Variants in PLPPR1 observed in about 807,000 individuals in gnomAD.
PLPPR1 encodes the protein phospholipid phosphatase related 1, also known as phospholipid phosphatase-related protein type 1.
Under a neutral mutation model 33.1 loss-of-function variants are expected in PLPPR1, and 10 were observed. The ratio of observed to expected loss-of-function variants is 0.30; its 90% CI spans 0.19 to 0.51. The LOEUF is 0.51. PLPPR1 is among the 20% of genes least tolerant of loss of function. PLPPR1 has a pLI of 0.97. For missense variants in PLPPR1, 304 were observed against 408.1 expected (o/e 0.74, Z 2.20); for synonymous variants, 151 against 151.0 (o/e 1.00, Z 0.00).
chr9:101,302,738 T>A (rs1828776943), intron 4 of PLPPR1, among the ~76,000 whole-genome samples: 1 of 152,132 alleles, frequency 6.6e-6, no homozygotes, highest in Non-Finnish European at 1.5e-5. Flanking sequence ...AAGATTTTTT[T>A]ATCATTTTTT....
intron 1 of PLPPR1, among the ~76,000 whole-genome samples, chr9:101,167,904 C>T (rs1249001693): frequency 6.6e-6 from 1 of 152,136 alleles, no homozygotes; most frequent in African/African-American, 2.4e-5. Context: ...CTCACAGTTC[C>T]ACATGGCTGG....
At chr9:101,297,505 G>T (rs893413142) in intron 4 of PLPPR1, among the ~76,000 whole-genome samples, 3 of 152,222 alleles carry the variant, frequency 2.0e-5, no homozygotes, top group African/African-American at 7.2e-5. Context: ...TGACTTTGAC[G>T]GAGAGTATTA....
At chr9:101,146,185 T>C (rs1421866090) in intron 1 of PLPPR1, among the ~76,000 whole-genome samples, 3 of 152,208 alleles carry the variant, frequency 2.0e-5, no homozygotes, top group Non-Finnish European at 4.4e-5. Context: ...TGAGGAACTA[T>C]AGTTTGTTTG....
chr9:101,189,951 C>T (rs1826266949), intron 2 of PLPPR1, among the ~76,000 whole-genome samples: 1 of 151,948 alleles, frequency 6.6e-6, no homozygotes, highest in Non-Finnish European at 1.5e-5. Flanking sequence ...GGACTGTTTC[C>T]TTATATTTGT....
intron 2 of PLPPR1, among the ~76,000 whole-genome samples, chr9:101,242,835 C>A (rs1827502099): frequency 6.6e-6 from 1 of 152,042 alleles, no homozygotes; most frequent in Admixed American, 6.6e-5. Context: ...AACTTGGCAA[C>A]TTTCCTTGAG....
intron 2 of PLPPR1, among the ~76,000 whole-genome samples, chr9:101,256,598 T>C (rs1827807673): frequency 6.6e-6 from 1 of 152,076 alleles, no homozygotes; most frequent in Non-Finnish European, 1.5e-5. Context: ...CATTGTAAAG[T>C]ATGTTGTTGC....
intron 1 of PLPPR1, among the ~76,000 whole-genome samples, chr9:101,056,909 G>A (rs1041799675): frequency 6.6e-6 from 1 of 152,076 alleles, no homozygotes; most frequent in Non-Finnish European, 1.5e-5. Flanking sequence ...TAAAGTCTGA[G>A]GGTTATTCTC....
intron 1 of PLPPR1, among the ~76,000 whole-genome samples, chr9:101,063,332 G>A (rs1178666160): frequency 6.6e-6 from 1 of 152,040 alleles, no homozygotes; most frequent in African/African-American, 2.4e-5. Context: ...ATCCTCACAT[G>A]TAGTTTCACA....
chr9:101,277,906 A>G (rs965795669), intron 3 of PLPPR1, among the ~76,000 whole-genome samples: 2 of 152,240 alleles, frequency 1.3e-5, no homozygotes, highest in African/African-American at 4.8e-5. Flanking sequence ...TATGTAATAC[A>G]GTCACTACTT....
At chr9:101,162,342 T>C (rs570466780) in intron 1 of PLPPR1, among the ~76,000 whole-genome samples, 39 of 152,268 alleles carry the variant, frequency 2.6e-4, no homozygotes, top group African/African-American at 7.5e-4. Flanking sequence ...TAACACAGAA[T>C]TGATGTAAGT....
At position 101,325,102 on chromosome 9, in the gene PLPPR1, T is replaced by C. The variant is rs529666929; in HGVS notation, c.*1045T>C. ...AGCTTTTTTTGTACATATTTTTTTT[T>C]TCTAAAGAGAAGAAAAAGTTATCAC... On this transcript the variant is annotated 3_prime_UTR_variant, in exon 8 of 8. Transcript: ENST00000374874. The C allele has an allele frequency of 1.1e-4, 16 of 152,318 alleles. No individual in the cohort carries two copies. The highest frequency in any genetic ancestry group is 2.1e-4 in the Non-Finnish European group (14 of 68,022). 9.4% of individuals were successfully genotyped at this position (152,318 alleles called of 1,614,324 possible).
intron 1 of PLPPR1, among the ~76,000 whole-genome samples, chr9:101,138,729 G>A (rs1485215732): frequency 6.6e-6 from 1 of 152,200 alleles, no homozygotes; most frequent in Non-Finnish European, 1.5e-5. Flanking sequence ...CTCACAAAGT[G>A]CCTGTGAAGC....
intron 2 of PLPPR1, among the ~76,000 whole-genome samples, chr9:101,208,226 T>C (rs977968798): frequency 3.3e-5 from 5 of 152,188 alleles, no homozygotes; most frequent in African/African-American, 7.2e-5. Context: ...GGGGACAGTG[T>C]AGAAGTGAAT....
intron 1 of PLPPR1, among the ~76,000 whole-genome samples, chr9:101,075,877 C>T (rs1225223692): frequency 2.0e-5 from 3 of 151,948 alleles, no homozygotes; most frequent in Admixed American, 1.3e-4. Context: ...TAAGAAGGCC[C>T]TTCAGAGAAG....
At chr9:101,039,616 T>C (rs1025524792) in intron 1 of PLPPR1, among the ~76,000 whole-genome samples, 2 of 152,128 alleles carry the variant, frequency 1.3e-5, no homozygotes, top group African/African-American at 4.8e-5. Context: ...GGAAAGAGGT[T>C]TAATGGAGAA....
At chr9:101,070,101 A>AC (rs1311320325) in intron 1 of PLPPR1, among the ~76,000 whole-genome samples, 1 of 151,788 alleles carries the variant, frequency 6.6e-6, no homozygotes, top group Non-Finnish European at 1.5e-5. Flanking sequence ...TTTTGTCCCT[A>AC]CCCCCTTCCG....
chr9:101,280,883 AC>A (rs1223588396), intron 3 of PLPPR1, among the ~76,000 whole-genome samples: 2 of 152,146 alleles, frequency 1.3e-5, no homozygotes, highest in Non-Finnish European at 2.9e-5. Context: ...GCCCACTTTC[AC>A]CACTGTTATT....
At chr9:101,318,350 G>A (rs527630989) in intron 7 of PLPPR1, among the ~76,000 whole-genome samples, 1 of 152,324 alleles carries the variant, frequency 6.6e-6, no homozygotes, top group South Asian at 2.1e-4. Flanking sequence ...AAAGGAGCCT[G>A]GACAGATGAT....
intron 2 of PLPPR1, among the ~76,000 whole-genome samples, chr9:101,200,217 C>A (rs1473419677): frequency 6.6e-6 from 1 of 152,150 alleles, no homozygotes; most frequent in African/African-American, 2.4e-5. Flanking sequence ...CTCAGTGGGA[C>A]AATTCACAGG....
Sources: gnomAD v4.1 joint callset for allele counts (sites outside exome capture counted in the v4.1 genomes callset) on GRCh38, gnomAD v4.1.1 for gene constraint, MANE v1.5 for transcripts, NCBI Gene and HGNC (gene_info 2026-07-23, HGNC 2026-07-21) for gene names.